The following NEGR1 variants were observed in gnomAD, a reference collection of about 807,000 sequenced individuals.
The protein encoded by NEGR1 is neuronal growth regulator 1.
NEGR1 carries 10 observed loss-of-function variants against 40.9 expected under a neutral mutation model. The observed-to-expected ratio is 0.24, with a 90% confidence interval of 0.15 to 0.42. The LOEUF (loss-of-function observed/expected upper bound fraction) is 0.42, where lower values mean the gene tolerates loss of function less well. Ranked by LOEUF, NEGR1 falls within the 10% of genes least tolerant of loss-of-function variation. NEGR1 has a pLI of 1.00. For missense variants in NEGR1, 352 were observed against 438.9 expected, an observed-to-expected ratio of 0.80 and a Z score of 1.77; for synonymous variants, 185 against 166.8, an observed-to-expected ratio of 1.11 and a Z score of -0.84.
intron 1 of NEGR1, among the ~76,000 whole-genome samples, chr1:71,963,862 G>T (rs1351182477): frequency 6.6e-6 from 1 of 152,100 alleles, no homozygotes; most frequent in African/African-American, 2.4e-5. Flanking sequence ...TAGAATTTGT[G>T]ATGCAAGAAA....
chr1:71,751,191 C>G (rs976955998), intron 3 of NEGR1, among the ~76,000 whole-genome samples: 1 of 151,926 alleles, frequency 6.6e-6, no homozygotes, highest in Non-Finnish European at 1.5e-5. Context: ...TTTTATCTCC[C>G]CTTCAATAAG....
intron 1 of NEGR1, among the ~76,000 whole-genome samples, chr1:72,172,371 CAACATGCA>C (rs1315162807): frequency 6.6e-6 from 1 of 151,964 alleles, no homozygotes; most frequent in Non-Finnish European, 1.5e-5. Context: ...ATGACCATAC[CAACATGCA>C]ACCTTAAAAG....
chr1:72,161,523 C>T (rs1022587820), intron 1 of NEGR1, among the ~76,000 whole-genome samples: 2 of 151,926 alleles, frequency 1.3e-5, no homozygotes, highest in Non-Finnish European at 2.9e-5. Flanking sequence ...CTACAATGTA[C>T]GGGTAGGATT....
chr1:71,628,517 A>G (rs915430474), intron 4 of NEGR1, among the ~76,000 whole-genome samples: 15 of 151,978 alleles, frequency 9.9e-5, no homozygotes, highest in Admixed American at 9.2e-4. Context: ...TGCACCCGTC[A>G]ACCCATCATC....
At chr1:72,175,967 A>C (rs1222394529) in intron 1 of NEGR1, among the ~76,000 whole-genome samples, 1 of 152,150 alleles carries the variant, frequency 6.6e-6, no homozygotes, top group Non-Finnish European at 1.5e-5. Context: ...AGGGAAGTGA[A>C]GACTTATAAA....
intron 2 of NEGR1, among the ~76,000 whole-genome samples, chr1:71,904,809 A>G (rs909731371): frequency 4.6e-5 from 7 of 152,158 alleles, no homozygotes; most frequent in African/African-American, 1.7e-4. Context: ...CAATTTTACT[A>G]TTGATGCACA....
At chr1:71,440,117 T>C in intron 6 of NEGR1, among the ~76,000 whole-genome samples, 1 of 152,194 alleles carries the variant, frequency 6.6e-6, no homozygotes, top group East Asian at 1.9e-4. Context: ...CAATTTGATG[T>C]CCTAGTATGT....
intron 4 of NEGR1, among the ~76,000 whole-genome samples, chr1:71,696,238 T>G (rs1424576605): frequency 2.0e-5 from 3 of 151,784 alleles, no homozygotes; most frequent in South Asian, 2.1e-4. Context: ...CTAAATTTCC[T>G]GCTTGACTAG....
intron 3 of NEGR1, among the ~76,000 whole-genome samples, chr1:71,767,148 C>A (rs1319080959): frequency 6.6e-6 from 1 of 152,010 alleles, no homozygotes; most frequent in Non-Finnish European, 1.5e-5. Flanking sequence ...GTAGAATTGC[C>A]TTTGGAACTG....
intron 3 of NEGR1, among the ~76,000 whole-genome samples, chr1:71,706,322 T>A (rs1446081280): frequency 6.6e-6 from 1 of 152,030 alleles, no homozygotes; most frequent in Non-Finnish European, 1.5e-5. Context: ...CCAGTCCAAG[T>A]GGTTTGAATT....
At chr1:71,497,454 C>CT (rs1646971712) in intron 6 of NEGR1, among the ~76,000 whole-genome samples, 1 of 151,394 alleles carries the variant, frequency 6.6e-6, no homozygotes, top group Admixed American at 6.6e-5. Context: ...TTCAAATATG[C>CT]TTTTTTCTAA....
At chr1:72,274,951 G>A (rs7549792) in intron 1 of NEGR1, 740,917 of 1,525,604 alleles carry the variant, frequency 0.49, 184,814 homozygotes, top group African/African-American at 0.54. Flanking sequence ...CTTTGCGCAC[G>A]ATGTAGCAGC....
chr1:71,868,496 A>ATACATACATACG (rs1420947249), intron 2 of NEGR1, among the ~76,000 whole-genome samples: 4 of 151,976 alleles, frequency 2.6e-5, no homozygotes, highest in Non-Finnish European at 5.9e-5. Flanking sequence ...ACATACATAC[A>ATACATACATACG]TACATACATA....
chr1:71,712,648 C>A (rs1156652051), intron 3 of NEGR1, among the ~76,000 whole-genome samples: 1 of 152,028 alleles, frequency 6.6e-6, no homozygotes, highest in Non-Finnish European at 1.5e-5. Flanking sequence ...TATTTCTTTA[C>A]CTATTTAAAA....
chr1:71,557,982 A>T (rs1648307831), intron 6 of NEGR1, among the ~76,000 whole-genome samples: 1 of 151,388 alleles, frequency 6.6e-6, no homozygotes, highest in African/African-American at 2.4e-5. Context: ...CTCTATTTGG[A>T]TTTCTCTGAT....
chr1:72,140,196 C>T (rs539770078), intron 1 of NEGR1, among the ~76,000 whole-genome samples: 12 of 150,466 alleles, frequency 8.0e-5, no homozygotes, highest in African/African-American at 2.9e-4. Flanking sequence ...CTTTTCTGAC[C>T]TGCTCTTCAG....
At chr1:72,085,119 C>T (rs895156279) in intron 1 of NEGR1, among the ~76,000 whole-genome samples, 13 of 152,084 alleles carry the variant, frequency 8.5e-5, no homozygotes, top group African/African-American at 2.9e-4. Flanking sequence ...AGTGATTACA[C>T]CAGATTATTT....
At chr1:72,166,204 C>A (rs751984967) in intron 1 of NEGR1, among the ~76,000 whole-genome samples, 1 of 151,922 alleles carries the variant, frequency 6.6e-6, no homozygotes, top group Non-Finnish European at 1.5e-5. Flanking sequence ...ATAAAAGAGA[C>A]TTTTACTGCC....
chr1:71,698,085 T>C lies in NEGR1; in HGVS notation c.590A>G (p.Gln197Arg). ...YLDIYGITRD[Q>R]AGEYECSAEN... ...CGCACTGCATTCATATTCCCCAGCC[T>C]GGTCCCTTGTAATTCCATAAATGTC... The change falls in exon 4 of 7, where the codon CAG (glutamine) becomes CGG (arginine). Residue 197 changes from glutamine (Q) to arginine (R), a missense_variant. Physicochemically the swap from Gln to Arg is conservative, Grantham distance 43. Around this residue, in one of 5 missense-constraint regions of NEGR1, gnomAD observed 184 missense variants for 208.7 expected, o/e 0.88. Transcript: ENST00000357731. 6.2e-7 allele frequency: 1 copy of C among 1,611,202 alleles called. No homozygotes were observed. Among genetic ancestry groups the C allele is most frequent in the Non-Finnish European group, 8.5e-7 (1 of 1,177,962 alleles).
Sources: allele counts gnomAD v4.1 joint callset (sites outside exome capture counted in the v4.1 genomes callset), GRCh38; gene constraint gnomAD v4.1.1; regional missense constraint gnomAD v4.1.1; transcripts MANE v1.5; gene names NCBI Gene and HGNC (gene_info 2026-07-23, HGNC 2026-07-21).